Variants in THRAP3 observed in about 807,000 individuals in gnomAD.
THRAP3 encodes the protein thyroid hormone receptor associated protein 3, also known as thyroid hormone receptor-associated protein 3.
A neutral mutation model predicts 101.0 loss-of-function variants in THRAP3; 16 were observed. That is an observed-to-expected ratio of 0.16 (90% CI 0.11 to 0.24). The LOEUF (loss-of-function observed/expected upper bound fraction) is 0.24. Among genes scored for constraint, THRAP3 ranks in the 10% least tolerant of loss-of-function variants. The pLI, the probability that THRAP3 is intolerant of heterozygous loss-of-function variation, is 1.00. For missense variants in THRAP3, 989 were observed against 1,202.7 expected (o/e 0.82, Z 2.63); for synonymous variants, 407 against 422.6 (o/e 0.96, Z 0.45).
chr1:36,272,030 C>T (rs1357337665), intron 2 of THRAP3, among the ~76,000 whole-genome samples: 1 of 152,070 alleles, frequency 6.6e-6, no homozygotes, highest in Non-Finnish European at 1.5e-5. Context: ...GTGCCTGGCC[C>T]TGGATAATTT....
intron 2 of THRAP3, among the ~76,000 whole-genome samples, chr1:36,272,859 A>C (rs565806766): frequency 1.3e-5 from 2 of 152,346 alleles, no homozygotes; most frequent in Admixed American, 1.3e-4. Context: ...CCTTTGAATA[A>C]GGTGTAGAAG....
intron 1 of THRAP3, among the ~76,000 whole-genome samples, chr1:36,228,600 C>T (rs1028698180): frequency 6.6e-6 from 1 of 152,258 alleles, no homozygotes; most frequent in Non-Finnish European, 1.5e-5. Context: ...GGTGATCCAA[C>T]GGGCTCGGCC....
intron 1 of THRAP3, among the ~76,000 whole-genome samples, chr1:36,246,703 G>A (rs1192697739): frequency 6.6e-6 from 1 of 152,064 alleles, no homozygotes; most frequent in African/African-American, 2.4e-5. Flanking sequence ...TTAGCCGGGA[G>A]TGGTGGCCGG....
At chr1:36,297,301 G>T (rs139261531) in intron 9 of THRAP3, among the ~76,000 whole-genome samples, 29 of 152,284 alleles carry the variant, frequency 1.9e-4, no homozygotes, top group Admixed American at 4.6e-4. Flanking sequence ...CAACATTCAT[G>T]CCTATGTCCT....
chr1:36,292,252 G>GCC (rs1475199484), intron 6 of THRAP3, among the ~76,000 whole-genome samples: 1 of 57,504 alleles, frequency 1.7e-5, no homozygotes, highest in Non-Finnish European at 3.3e-5. Context: ...AACATAATGT[G>GCC]TTTCTTTGTT....
chr1:36,213,179 G>T, the THRAP3 span, among the ~76,000 whole-genome samples: 1 of 152,194 alleles, frequency 6.6e-6, no homozygotes, highest in East Asian at 1.9e-4. Context: ...GCAGGGCCTT[G>T]TAGATTACAC....
At chr1:36,287,999 T>C (rs924836667) in intron 4 of THRAP3, 153 of 958,396 alleles carry the variant, frequency 1.6e-4, no homozygotes, top group Non-Finnish European at 1.8e-4. Flanking sequence ...CTCCCCCTTT[T>C]TTTTTCTTTT....
At chr1:36,209,014 T>C in the THRAP3 span, among the ~76,000 whole-genome samples, 1 of 144,660 alleles carries the variant, frequency 6.9e-6, no homozygotes, top group Non-Finnish European at 1.5e-5. Flanking sequence ...TCTTGCTCTG[T>C]TGCCCAGGCT....
In THRAP3 at chr1:36,303,995, A is replaced by G. The variant is rs542264434; in HGVS notation, c.2846A>G (p.Asn949Ser). The change falls in exon 12 of 12, where the codon AAT becomes AGT. Residue 949 changes from asparagine to serine, a missense_variant. Coordinates refer to ENST00000354618, the MANE Select transcript of THRAP3 (RefSeq NM_005119.4). ...ACAGAGAACCGAGAAGAGAAGGACA[A>G]TATACAGCCCACAACCGAGTAGGGG... is the stretch of plus-strand genomic sequence containing the variant. ...SGTENREEKD[N>S]IQPTTE The G allele has an allele frequency of 1.0e-5, 16 of 1,584,950 alleles. No individual in the cohort carries two copies. The highest frequency in any genetic ancestry group is 9.5e-5 in the African/African-American group (7 of 73,912).
chr1:36,230,795 T>G (rs1570224564), intron 1 of THRAP3, among the ~76,000 whole-genome samples: 1 of 152,214 alleles, frequency 6.6e-6, no homozygotes, highest in African/African-American at 2.4e-5. Flanking sequence ...TATATTTTCT[T>G]TGGCTCATAC....
At chr1:36,299,266 C>T (rs183147360) in intron 9 of THRAP3, among the ~76,000 whole-genome samples, 4 of 151,962 alleles carry the variant, frequency 2.6e-5, no homozygotes, top group Admixed American at 2.6e-4. Context: ...TGGTGAAACC[C>T]TGTCTCTACT....
At chr1:36,292,963 G>T in intron 7 of THRAP3, among the ~76,000 whole-genome samples, 1 of 151,520 alleles carries the variant, frequency 6.6e-6, no homozygotes, top group Non-Finnish European at 1.5e-5. Flanking sequence ...TTGGAAGCTG[G>T]CAAATGTTGC....
intron 1 of THRAP3, among the ~76,000 whole-genome samples, chr1:36,237,743 C>G (rs1488260329): frequency 6.6e-6 from 1 of 152,074 alleles, no homozygotes; most frequent in African/African-American, 2.4e-5. Context: ...TGCACTTCAG[C>G]CTGGGTGACA....
chr1:36,282,800 A>ACTGGG, intron 3 of THRAP3, 100 bp downstream of exon 3: 1 of 1,403,570 alleles, frequency 7.1e-7, no homozygotes, highest in Non-Finnish European at 1.0e-6. Flanking sequence ...TGTCAAATGG[A>ACTGGG]CTGGGGGGTT....
intron 2 of THRAP3, among the ~76,000 whole-genome samples, chr1:36,280,598 C>T (rs1323239719): frequency 6.6e-6 from 1 of 152,176 alleles, no homozygotes; most frequent in Non-Finnish European, 1.5e-5. Flanking sequence ...CATTACTTGG[C>T]AGAATCTCGC....
upstream of THRAP3, among the ~76,000 whole-genome samples, chr1:36,221,740 C>T (rs894391033): frequency 2.0e-5 from 3 of 151,850 alleles, no homozygotes; most frequent in Admixed American, 6.6e-5. Context: ...TGTGCCACCA[C>T]GCCCAGCTAA....
At chr1:36,221,494 C>T (rs1644902855), upstream of THRAP3, among the ~76,000 whole-genome samples, 2 of 152,176 alleles carry the variant, frequency 1.3e-5, no homozygotes, top group Admixed American at 1.3e-4. Flanking sequence ...CCACCCCAAC[C>T]TTCAGCAGCT....
intron 6 of THRAP3, among the ~76,000 whole-genome samples, chr1:36,292,372 C>T (rs559960303): frequency 2.8e-5 from 4 of 142,546 alleles, no homozygotes; most frequent in Non-Finnish European, 6.0e-5. Flanking sequence ...CCTGGGTTCA[C>T]GACATTCTTC....
chr1:36,297,539 C>T (rs778788947), intron 9 of THRAP3, among the ~76,000 whole-genome samples: 2 of 150,518 alleles, frequency 1.3e-5, no homozygotes, highest in South Asian at 2.1e-4. Context: ...ACCTCCGCCT[C>T]GCGGGTTCAA....
Sources: allele counts gnomAD v4.1 joint callset (sites outside exome capture counted in the v4.1 genomes callset), GRCh38; gene constraint gnomAD v4.1.1; transcripts MANE v1.5; gene names NCBI Gene and HGNC (gene_info 2026-07-23, HGNC 2026-07-21).